CNTN4: variants seen among roughly 807,000 people sequenced by gnomAD.
CNTN4 encodes contactin-4.
Under a neutral mutation model 122.5 loss-of-function variants are expected in CNTN4, and 77 were observed. The observed-to-expected ratio is 0.63, with a 90% CI of 0.52 to 0.76. The LOEUF (loss-of-function observed/expected upper bound fraction) is 0.76, where lower values mean the gene tolerates loss of function less well. CNTN4 is among the 30% of genes least tolerant of loss of function. CNTN4 has a pLI of 0.00. For synonymous variants in CNTN4, 512 were observed against 447.0 expected, an observed-to-expected ratio of 1.15 and a Z score of -1.83; for missense variants, 1,256 against 1,259.1, an observed-to-expected ratio of 1.00 and a Z score of 0.04.
At chr3:2,304,904 T>C (rs1309761116) in intron 2 of CNTN4, among the ~76,000 whole-genome samples, 1 of 151,684 alleles carries the variant, frequency 6.6e-6, no homozygotes, top group Non-Finnish European at 1.5e-5. Context: ...TTCAAAGTGA[T>C]TTGGCCAACG....
intron 8 of CNTN4, among the ~76,000 whole-genome samples, chr3:2,877,396 C>T (rs1490653517): frequency 6.6e-6 from 1 of 152,184 alleles, no homozygotes; most frequent in Non-Finnish European, 1.5e-5. Context: ...TTGTATCTCT[C>T]TTACTCCAAA....
chr3:2,215,332 G>A (rs1288599622), intron 2 of CNTN4, among the ~76,000 whole-genome samples: 1 of 152,146 alleles, frequency 6.6e-6, no homozygotes, highest in Admixed American at 6.6e-5. Flanking sequence ...TTTAAATGCA[G>A]TGTAACACTA....
Position 2,417,752 on chromosome 3 carries a change from T to A in CNTN4, c.-89+78519T>A, listed in dbSNP as rs551581917. Among the ~76,000 whole-genome samples the A allele has an allele frequency of 2.9e-4, 44 of 152,338 alleles. No homozygotes were observed. The Middle Eastern group carries it at 0.01, about 35-fold the overall frequency. On this transcript the variant is annotated intron_variant, in intron 3 of 24. Coordinates refer to ENST00000418658, the MANE Select transcript of CNTN4 (RefSeq NM_175607.3). The stretch of plus-strand genomic sequence containing the variant: ...ACCAAGATGTCCTTCAGTAGATGAA[T>A]GGTTAAGTAAACTGTGGTACACCTA...
At chr3:2,917,238 C>T (rs1042036035) in intron 12 of CNTN4, among the ~76,000 whole-genome samples, 4 of 151,658 alleles carry the variant, frequency 2.6e-5, no homozygotes, top group African/African-American at 7.3e-5. Context: ...CGCAGTGAGC[C>T]GAGATGGCAG....
chr3:2,554,372 T>C (rs915485394), intron 3 of CNTN4, among the ~76,000 whole-genome samples: 7 of 152,268 alleles, frequency 4.6e-5, no homozygotes, highest in East Asian at 1.9e-4. Context: ...CTTTGCTTAG[T>C]CCACATTTCA....
At chr3:2,810,872 A>G (rs2150137837) in intron 6 of CNTN4, among the ~76,000 whole-genome samples, 1 of 152,340 alleles carries the variant, frequency 6.6e-6, no homozygotes. Context: ...AGGGTGACAA[A>G]AAACTCAGGC....
intron 4 of CNTN4, among the ~76,000 whole-genome samples, chr3:2,722,118 A>T (rs2087895697): frequency 6.6e-6 from 1 of 152,150 alleles, no homozygotes; most frequent in South Asian, 2.1e-4. Context: ...TGTTAAAGCA[A>T]CCTGAACAGA....
chr3:2,374,019 G>A (rs1466578020), intron 3 of CNTN4, among the ~76,000 whole-genome samples: 1 of 150,832 alleles, frequency 6.6e-6, no homozygotes, highest in Non-Finnish European at 1.5e-5. Context: ...TTCTTTGTTA[G>A]GATTAGGAGA....
At chr3:2,152,708 C>A (rs2729017) in intron 2 of CNTN4, among the ~76,000 whole-genome samples, 28,545 of 152,040 alleles carry the variant, frequency 0.19, 2,967 homozygotes, top group South Asian at 0.38. Flanking sequence ...AGACACCCAC[C>A]GTTCCCAGGG....
At chr3:2,623,376 C>T (rs908768285) in intron 4 of CNTN4, among the ~76,000 whole-genome samples, 1 of 151,956 alleles carries the variant, frequency 6.6e-6, no homozygotes, top group African/African-American at 2.4e-5. Flanking sequence ...TATGGATCAC[C>T]GCACAGATAT....
chr3:2,701,721 T>A (rs1448180800), intron 4 of CNTN4, among the ~76,000 whole-genome samples: 1 of 152,202 alleles, frequency 6.6e-6, no homozygotes, highest in Non-Finnish European at 1.5e-5. Flanking sequence ...TAGGAAGTCA[T>A]AAACACTCTG....
chr3:2,181,254 T>G (rs1349499373), intron 2 of CNTN4, among the ~76,000 whole-genome samples: 1 of 152,024 alleles, frequency 6.6e-6, no homozygotes, highest in Non-Finnish European at 1.5e-5. Flanking sequence ...AAAACAAATG[T>G]GATCACCCCG....
intron 3 of CNTN4, among the ~76,000 whole-genome samples, chr3:2,518,787 A>T (rs893915147): frequency 6.6e-6 from 1 of 152,148 alleles, no homozygotes; most frequent in Non-Finnish European, 1.5e-5. Context: ...ATGTGGAAGT[A>T]TAGGGAAGGT....
intron 6 of CNTN4, among the ~76,000 whole-genome samples, chr3:2,760,396 CTTTCT>C (rs1015681033): frequency 1.3e-5 from 2 of 151,644 alleles, no homozygotes; most frequent in African/African-American, 4.8e-5. Context: ...TTTTCAGATT[CTTTCT>C]TTTGCACGTT....
chr3:2,605,235 A>G (rs1389570964), intron 4 of CNTN4, among the ~76,000 whole-genome samples: 2 of 152,184 alleles, frequency 1.3e-5, no homozygotes, highest in East Asian at 1.9e-4. Context: ...CTCCTGGTCT[A>G]AAGTGTTCCC....
chr3:2,954,433 A>C lies in CNTN4; in HGVS notation c.1358+28654A>C, dbSNP rs548975914. On this transcript the variant is annotated intron_variant, in intron 13 of 24. Transcript: ENST00000418658. ...CCACATATTAAATTGTCATTGTGTCAAATGTCTTGCCATCAAATACGGTGC... is the reference window on the plus strand; with the variant it reads ...CCACATATTAAATTGTCATTGTGTCCAATGTCTTGCCATCAAATACGGTGC... Among the ~76,000 whole-genome samples the C allele has an allele frequency of 2.6e-5, 4 of 152,188 alleles. No individual in the cohort carries two copies. The East Asian group carries it at 7.8e-4, about 30-fold the overall frequency.
At chr3:2,338,695 G>T (rs1367143428) in intron 2 of CNTN4, among the ~76,000 whole-genome samples, 1 of 151,930 alleles carries the variant, frequency 6.6e-6, no homozygotes, top group East Asian at 1.9e-4. Context: ...AGTTTAAGTC[G>T]GTAGCTTTAA....
intron 4 of CNTN4, among the ~76,000 whole-genome samples, chr3:2,591,609 C>T (rs185982592): frequency 0.036 from 1,902 of 52,480 alleles, 450 homozygotes; most frequent in African/African-American, 0.11. Flanking sequence ...CGTGATCCGC[C>T]CGCCTCGGCC....
intron 3 of CNTN4, among the ~76,000 whole-genome samples, chr3:2,500,214 A>G (rs2076559721): frequency 6.6e-6 from 1 of 152,114 alleles, no homozygotes; most frequent in South Asian, 2.1e-4. Context: ...CCAGGAGTTT[A>G]AAATGCTAAC....
Sources: gnomAD v4.1 joint callset for allele counts (sites outside exome capture counted in the v4.1 genomes callset) on GRCh38, gnomAD v4.1.1 for gene constraint, MANE v1.5 for transcripts, NCBI Gene and HGNC (gene_info 2026-07-23, HGNC 2026-07-21) for gene names.